Variants in ASAP1 observed in about 807,000 individuals in gnomAD.
ASAP1 encodes the protein ArfGAP with SH3 domain, ankyrin repeat and PH domain 1.
Under a neutral mutation model 145.2 loss-of-function variants are expected in ASAP1, and 43 were observed. That is an observed-to-expected ratio of 0.30 (90% CI 0.23 to 0.38). ASAP1 has a LOEUF of 0.38. Among genes scored for constraint, ASAP1 ranks in the 10% least tolerant of loss-of-function variants. ASAP1 has a pLI of 1.00. For synonymous variants in ASAP1, 546 were observed against 515.5 expected, an observed-to-expected ratio of 1.06 and a Z score of -0.80; for missense variants, 1,018 against 1,355.3, an observed-to-expected ratio of 0.75 and a Z score of 3.91.
At chr8:130,262,416 A>AAAAAAAAAAAGAGAGAGAGAGAG (rs1819974520) in intron 3 of ASAP1, among the ~76,000 whole-genome samples, 1 of 57,848 alleles carries the variant, frequency 1.7e-5, no homozygotes, top group African/African-American at 6.8e-5. Context: ...AAAAAAAAAA[A>AAAAAAAAAAAGAGAGAGAGAGAG]AGAGAGAGAG....
At chr8:130,356,372 T>C (rs1826305420) in intron 3 of ASAP1, among the ~76,000 whole-genome samples, 1 of 152,100 alleles carries the variant, frequency 6.6e-6, no homozygotes, top group African/African-American at 2.4e-5. Flanking sequence ...GTCACATCCT[T>C]AGAAGTATAT....
chr8:130,372,993 TACACAG>T (rs1343815424), intron 2 of ASAP1, among the ~76,000 whole-genome samples: 7 of 146,880 alleles, frequency 4.8e-5, no homozygotes, highest in Admixed American at 6.8e-5. Flanking sequence ...CGCACAGACA[TACACAG>T]ACACAGACAC....
At chr8:130,187,374 T>C in intron 6 of ASAP1, 89 bp from the exon 7 acceptor site, 2 of 1,147,640 alleles carry the variant, frequency 1.7e-6, no homozygotes, top group Non-Finnish European at 2.6e-6. Context: ...GCAAGAATTG[T>C]TTCCTTTATA....
chr8:130,146,367 A>G (rs1291751126), intron 13 of ASAP1, among the ~76,000 whole-genome samples: 6 of 152,188 alleles, frequency 3.9e-5, no homozygotes, highest in Non-Finnish European at 7.4e-5. Flanking sequence ...AAGGACCAAC[A>G]GCACATACTC....
chr8:130,322,415 T>C (rs1824063973), intron 3 of ASAP1, among the ~76,000 whole-genome samples: 1 of 152,232 alleles, frequency 6.6e-6, no homozygotes, highest in South Asian at 2.1e-4. Flanking sequence ...GAGTCCCCGC[T>C]GTCTCCTACA....
chr8:130,191,771 C>G (rs990004619), intron 5 of ASAP1, among the ~76,000 whole-genome samples: 1 of 152,108 alleles, frequency 6.6e-6, no homozygotes, highest in African/African-American at 2.4e-5. Context: ...CTCCCTGATA[C>G]CTAGGAAGTG....
Position 130,214,612 on chromosome 8 carries a change from C to T in ASAP1, c.349G>A (p.Ala117Thr). The T allele has an allele frequency of 6.2e-7, 1 of 1,613,048 alleles. No individual in the cohort carries two copies. Among genetic ancestry groups the T allele is most frequent in the Non-Finnish European group, 8.5e-7 (1 of 1,179,512 alleles). ...GTAAGAGTAGAAAACTTGACAAACG[C>T]GGTGCCAAGGTCGGGGTTGTCTCGA... is the stretch of plus-strand genomic sequence containing the variant. ...LSRDNPDLGT[A>T]FVKFSTLTKE... The change falls in exon 5 of 30, where the codon GCG becomes ACG. Residue 117 changes from alanine to threonine, a missense_variant. Physicochemically the swap from Ala to Thr is moderately conservative, Grantham distance 58. Transcript: ENST00000518721.
At chr8:130,154,002 T>G (rs1339972942) in intron 12 of ASAP1, among the ~76,000 whole-genome samples, 1 of 152,170 alleles carries the variant, frequency 6.6e-6, no homozygotes, top group Non-Finnish European at 1.5e-5. Flanking sequence ...AAGACCAGCC[T>G]GGACAACATA....
At chr8:130,375,369 G>A (rs931900604) in intron 2 of ASAP1, among the ~76,000 whole-genome samples, 11 of 151,944 alleles carry the variant, frequency 7.2e-5, no homozygotes, top group South Asian at 2.1e-4. Flanking sequence ...GGTTAGGGGT[G>A]GGGGAGCAGC....
At chr8:130,344,923 T>C (rs904036185) in intron 3 of ASAP1, among the ~76,000 whole-genome samples, 2 of 152,202 alleles carry the variant, frequency 1.3e-5, no homozygotes, top group Non-Finnish European at 2.9e-5. Context: ...CCGTATGTTT[T>C]AGTCCTAAAG....
At position 130,358,362 on chromosome 8, in the gene ASAP1, C is replaced by T. The variant is rs1826479735; in HGVS notation, c.60-219G>A. On this transcript the variant is annotated intron_variant, in intron 2 of 29. Coordinates refer to ENST00000518721, the MANE Select transcript of ASAP1 (RefSeq NM_018482.4). This position sits in a 1 kb window ranked among gnomAD's most constrained non-coding sequence, Gnocchi z 4.1. ...CGCTGGCGGGGCTCGGCGCGGGGCC[C>T]TTCAAACTCCAAGCCGCGCGCGAGG... 6.8e-6 allele frequency among the ~76,000 whole-genome samples: 1 copy of T among 147,862 alleles called. No homozygotes were observed. The highest frequency in any genetic ancestry group is 1.5e-5 in the Non-Finnish European group (1 of 66,204).
At chr8:130,172,358 G>T (rs528892723) in intron 9 of ASAP1, among the ~76,000 whole-genome samples, 2 of 152,224 alleles carry the variant, frequency 1.3e-5, no homozygotes, top group East Asian at 3.9e-4. Context: ...GGTACACCAA[G>T]ATCCCAGAAA....
intron 1 of ASAP1, among the ~76,000 whole-genome samples, chr8:130,413,375 T>C (rs1829345466): frequency 6.6e-6 from 1 of 152,228 alleles, no homozygotes; most frequent in South Asian, 2.1e-4. Flanking sequence ...GTAATTACCG[T>C]ATTTCCTCCA....
rs866917086 is a variant in ASAP1, at chr8:130,262,430, G to A, written c.187-25436C>T. ...AAAAAAAAAAAAAGAGAGAGAGAGA[G>A]AGAGAGAGAGAGAGAGAGAGAGAGA... On this transcript the variant is annotated intron_variant, in intron 3 of 29. Coordinates refer to ENST00000518721, the MANE Select transcript of ASAP1 (RefSeq NM_018482.4). 8.4e-3 allele frequency among the ~76,000 whole-genome samples: 1,053 copies of A among 125,958 alleles called. 17 individuals carry two copies. Among genetic ancestry groups the A allele is most frequent in the African/African-American group, 0.016 (500 of 30,580 alleles). The allele number at this position is 125,958 out of a possible 152,430, so 82.6% of individuals were successfully genotyped here. A position where few individuals can be genotyped will look rare whatever the true frequency, so the allele number is the denominator to read the frequency against.
At chr8:130,137,696 GGA>G (rs1211398030) in intron 13 of ASAP1, among the ~76,000 whole-genome samples, 1 of 152,096 alleles carries the variant, frequency 6.6e-6, no homozygotes, top group Non-Finnish European at 1.5e-5. Flanking sequence ...CAATATCTGG[GGA>G]GAGAGAAAAT....
At chr8:130,070,489 A>G (rs1288393165) in intron 27 of ASAP1, among the ~76,000 whole-genome samples, 1 of 152,124 alleles carries the variant, frequency 6.6e-6, no homozygotes, top group Non-Finnish European at 1.5e-5. Context: ...TGCAGAGTAG[A>G]AGCTAGAGTG....
chr8:130,435,500 T>C (rs1402472778), intron 1 of ASAP1, among the ~76,000 whole-genome samples: 1 of 152,256 alleles, frequency 6.6e-6, no homozygotes, highest in Non-Finnish European at 1.5e-5. Flanking sequence ...TGCTTGCTGA[T>C]ATGAATCCAA....
chr8:130,219,672 A>G (rs1177521788), intron 4 of ASAP1, among the ~76,000 whole-genome samples: 2 of 152,208 alleles, frequency 1.3e-5, no homozygotes, highest in African/African-American at 4.8e-5. Flanking sequence ...AGAAAAGAAG[A>G]CTGGATAAAA....
At chr8:130,221,316 G>A (rs1376242241) in intron 4 of ASAP1, among the ~76,000 whole-genome samples, 2 of 152,090 alleles carry the variant, frequency 1.3e-5, no homozygotes, top group African/African-American at 4.8e-5. Context: ...AGGAAAGGAA[G>A]AACATTTTCT....
Sources: allele counts gnomAD v4.1 joint callset (sites outside exome capture counted in the v4.1 genomes callset), GRCh38; gene constraint gnomAD v4.1.1; non-coding constraint Gnocchi (gnomAD v3.1); transcripts MANE v1.5; gene names NCBI Gene and HGNC (gene_info 2026-07-23, HGNC 2026-07-21).